Variants in ZDHHC14 observed in about 807,000 individuals in gnomAD.
ZDHHC14 encodes the protein palmitoyltransferase ZDHHC14.
Under a neutral mutation model 47.7 loss-of-function variants are expected in ZDHHC14, and 16 were observed. The ratio of observed to expected loss-of-function variants is 0.34; its 90% CI spans 0.23 to 0.51. ZDHHC14 has a LOEUF of 0.51. Among genes scored for constraint, ZDHHC14 ranks in the 20% least tolerant of loss-of-function variants. The probability of loss-of-function intolerance (pLI) is 0.97; values close to 1 mark genes in which losing one functional copy is unlikely to be tolerated. For missense variants in ZDHHC14, 515 were observed against 662.5 expected, an observed-to-expected ratio of 0.78 and a Z score of 2.44; for synonymous variants, 293 against 278.9, an observed-to-expected ratio of 1.05 and a Z score of -0.50.
intron 1 of ZDHHC14, among the ~76,000 whole-genome samples, chr6:157,500,216 C>T (rs1465210854): frequency 1.3e-5 from 2 of 152,056 alleles, no homozygotes; most frequent in East Asian, 3.9e-4. Context: ...ACAGCTAGTG[C>T]AAAGGCCCTG....
chr6:157,403,363 G>A (rs1004586055), intron 1 of ZDHHC14, among the ~76,000 whole-genome samples: 1 of 152,114 alleles, frequency 6.6e-6, no homozygotes, highest in South Asian at 2.1e-4. Context: ...TCATTTAGTT[G>A]GGTTGAAATG....
chr6:157,428,865 T>C (rs1428681154), intron 1 of ZDHHC14, among the ~76,000 whole-genome samples: 1 of 152,218 alleles, frequency 6.6e-6, no homozygotes, highest in African/African-American at 2.4e-5. Context: ...TCTTCGTTAC[T>C]GTGAGCCCTC....
chr6:157,396,995 T>G (rs1402330614), intron 1 of ZDHHC14, among the ~76,000 whole-genome samples: 1 of 152,248 alleles, frequency 6.6e-6, no homozygotes, highest in Non-Finnish European at 1.5e-5. Flanking sequence ...CTCTGCCTCT[T>G]GGCTTCGGAT....
chr6:157,508,797 A>C (rs772148958), intron 1 of ZDHHC14, among the ~76,000 whole-genome samples: 4 of 152,152 alleles, frequency 2.6e-5, no homozygotes, highest in Non-Finnish European at 5.9e-5. Context: ...ATGAATTTTT[A>C]AATTCACCTG....
rs375016460 is a variant in ZDHHC14, at chr6:157,624,903, A to G, written c.566-3446A>G. ...TAAAGAGCAGAGATTTAGTCCTTAC[A>G]GTTCTGGAGGCTGGGAAGTCCACGG... On this transcript the variant is annotated intron_variant, in intron 3 of 8. Coordinates refer to ENST00000359775, the MANE Select transcript of ZDHHC14 (RefSeq NM_024630.3). Among the ~76,000 whole-genome samples, 170 of 152,288 alleles carry G rather than the reference A, an allele frequency of 1.1e-3. 2 individuals are homozygous for G. Among genetic ancestry groups the G allele is most frequent in the African/African-American group, 3.9e-3 (164 of 41,564 alleles).
intron 1 of ZDHHC14, among the ~76,000 whole-genome samples, chr6:157,406,913 A>G (rs989454168): frequency 6.6e-6 from 1 of 152,200 alleles, no homozygotes; most frequent in African/African-American, 2.4e-5. Flanking sequence ...TCAGAGAGGC[A>G]GTGAGAAGGG....
intron 3 of ZDHHC14, among the ~76,000 whole-genome samples, chr6:157,617,288 A>G (rs1271715786): frequency 6.6e-6 from 1 of 152,220 alleles, no homozygotes; most frequent in Non-Finnish European, 1.5e-5. Flanking sequence ...ACAGATATAT[A>G]TGGCCTTATA....
chr6:157,406,707 G>A (rs1419413007), intron 1 of ZDHHC14, among the ~76,000 whole-genome samples: 1 of 152,178 alleles, frequency 6.6e-6, no homozygotes, highest in African/African-American at 2.4e-5. Context: ...TCAAACTAAG[G>A]ATCTAATTCC....
In ZDHHC14 at chr6:157,412,771, G is replaced by A. The variant is rs375000586; in HGVS notation, c.245+30505G>A. ...GGAGACCACGTAGGTGCACGCCCAC[G>A]TCAGAATCAGAGCAAAACCATTTGT... On this transcript the variant is annotated intron_variant, in intron 1 of 8. Coordinates refer to ENST00000359775, the MANE Select transcript of ZDHHC14 (RefSeq NM_024630.3). Among the ~76,000 whole-genome samples, 86 of 152,310 alleles carry A rather than the reference G, an allele frequency of 5.6e-4. 2 individuals are homozygous for A. The South Asian group carries it at 0.014, about 26-fold the overall frequency.
In ZDHHC14 at chr6:157,382,218, T is replaced by C; in HGVS notation, c.197T>C (p.Leu66Pro). Residue 66 changes from leucine (L) to proline (P), a missense_variant, in exon 1 of 9, where the codon CTG (leucine) becomes CCG (proline). By Grantham distance (98) the Leu-to-Pro change is moderately conservative. Around this residue, in one of 4 missense-constraint regions of ZDHHC14, gnomAD observed 229 missense variants for 351.5 expected, o/e 0.65. Transcript: ENST00000359775. ...MMARQTGVFY[L>P]TLVLILVTSG... ...GCCCGGCAGACGGGCGTCTTCTACC[T>C]GACGCTCGTCCTCATCCTGGTCACT... 6.2e-7 allele frequency: 1 copy of C among 1,613,256 alleles called. No homozygotes were observed. The highest frequency in any genetic ancestry group is 8.5e-7 in the Non-Finnish European group (1 of 1,179,648).
intron 1 of ZDHHC14, among the ~76,000 whole-genome samples, chr6:157,480,245 T>C (rs1779590623): frequency 6.6e-6 from 1 of 150,734 alleles, no homozygotes; most frequent in Admixed American, 6.6e-5. Context: ...TTTTTTTTGT[T>C]GTTGTTGTTT....
chr6:157,600,402 G>A (rs111716732), intron 3 of ZDHHC14, among the ~76,000 whole-genome samples: 2,448 of 152,222 alleles, frequency 0.016, 58 homozygotes, highest in African/African-American at 0.055. Flanking sequence ...ATAATAAAAA[G>A]GGATTTGATA....
Position 157,463,447 on chromosome 6 carries a change from C to T in ZDHHC14, c.246-79138C>T, listed in dbSNP as rs920057051. Among the ~76,000 whole-genome samples, 6 of 152,094 alleles carry T rather than the reference C, an allele frequency of 3.9e-5. No homozygotes were observed. Among genetic ancestry groups the T allele is most frequent in the African/African-American group, 9.7e-5 (4 of 41,400 alleles). ...CTTAAAAGCACCCCAAAATGTGTAG[C>T]CCTGCCCCTATACATTTGTATATCC... is the stretch of plus-strand genomic sequence containing the variant. On this transcript the variant is annotated intron_variant, in intron 1 of 8. Transcript: ENST00000359775. This position sits in a 1 kb window ranked among gnomAD's most constrained non-coding sequence, Gnocchi z 4.4.
chr6:157,540,399 A>T (rs1307702622), intron 1 of ZDHHC14, among the ~76,000 whole-genome samples: 1 of 152,198 alleles, frequency 6.6e-6, no homozygotes, highest in Non-Finnish European at 1.5e-5. Context: ...GAGCAGGTGG[A>T]CTTTGCGGTC....
chr6:157,401,840 C>T (rs1230752104), intron 1 of ZDHHC14, among the ~76,000 whole-genome samples: 2 of 143,622 alleles, frequency 1.4e-5, no homozygotes, highest in Non-Finnish European at 3.0e-5. Flanking sequence ...TGCACACCTG[C>T]AGAGGTCACA....
chr6:157,581,478 T>C (rs1783519186), intron 2 of ZDHHC14, among the ~76,000 whole-genome samples: 1 of 152,158 alleles, frequency 6.6e-6, no homozygotes, highest in Non-Finnish European at 1.5e-5. Flanking sequence ...AATATCTTTG[T>C]TAATTTTCTG....
At chr6:157,515,301 A>T (rs1451529262) in intron 1 of ZDHHC14, among the ~76,000 whole-genome samples, 1 of 152,042 alleles carries the variant, frequency 6.6e-6, no homozygotes, top group Non-Finnish European at 1.5e-5. Flanking sequence ...TCCCTCTCCG[A>T]ATCTTTTCCA....
Position 157,414,661 on chromosome 6 carries a change from C to A in ZDHHC14, c.245+32395C>A, listed in dbSNP as rs185311555. On this transcript the variant is annotated intron_variant, in intron 1 of 8. Coordinates refer to ENST00000359775, the MANE Select transcript of ZDHHC14 (RefSeq NM_024630.3). Reference sequence around the variant, plus strand: ...GCAGGGTCATTTGTCCAGGCCACCACTGGGCACAGGGAGCCTAGTTTAGGG... The same window carrying A: ...GCAGGGTCATTTGTCCAGGCCACCAATGGGCACAGGGAGCCTAGTTTAGGG... 1.2e-3 allele frequency among the ~76,000 whole-genome samples: 187 copies of A among 152,308 alleles called. 1 individual carries two copies. Among genetic ancestry groups the A allele is most frequent in the Middle Eastern group, 3.4e-3 (1 of 294 alleles).
intron 1 of ZDHHC14, among the ~76,000 whole-genome samples, chr6:157,540,966 T>C (rs934277752): frequency 6.7e-6 from 1 of 148,340 alleles, no homozygotes; most frequent in Non-Finnish European, 1.5e-5. Context: ...ATGCCTTCAA[T>C]GTAGACTGTG....
Sources: allele counts gnomAD v4.1 joint callset (sites outside exome capture counted in the v4.1 genomes callset), GRCh38; gene constraint gnomAD v4.1.1; regional missense constraint gnomAD v4.1.1; non-coding constraint Gnocchi (gnomAD v3.1); transcripts MANE v1.5; gene names NCBI Gene and HGNC (gene_info 2026-07-23, HGNC 2026-07-21).